CCKAR: variants seen among roughly 807,000 people sequenced by gnomAD.
CCKAR encodes cholecystokinin A receptor.
Under a neutral mutation model 29.8 loss-of-function variants are expected in CCKAR, and 21 were observed. The observed-to-expected ratio is 0.70, with a 90% CI of 0.50 to 1.01. CCKAR has a LOEUF of 1.01. Among genes scored for constraint, CCKAR ranks in the 50% least tolerant of loss-of-function variants. The probability of loss-of-function intolerance (pLI) is 0.00; values close to 1 mark genes in which losing one functional copy is unlikely to be tolerated. For synonymous variants in CCKAR, 238 were observed against 221.3 expected (o/e 1.08, Z -0.67); for missense variants, 570 against 560.6 (o/e 1.02, Z -0.17).
At chr4:26,489,675 T>C (rs1737520444) in intron 1 of CCKAR, among the ~76,000 whole-genome samples, 191 bp from the exon 2 acceptor site, 1 of 152,276 alleles carries the variant, frequency 6.6e-6, no homozygotes. Context: ...ATTTTCTTTT[T>C]AGAAGGTTGG....
In CCKAR at chr4:26,485,917, A is replaced by G. The variant is rs772940658; in HGVS notation, c.365-19T>C. 3 of 1,607,790 alleles carry G rather than the reference A, an allele frequency of 1.9e-6. No individual in the cohort carries two copies. In the South Asian group the frequency reaches 3.3e-5, roughly 18 times the overall value. On this transcript the variant is annotated intron_variant, in intron 2 of 4. Transcript: ENST00000295589. Reference sequence around the variant, plus strand: ...GAGGTGCCTGGGAAAGGAACAAAGAAGCCGGTTATGTTGACTCTGAAATCC... The same window carrying G: ...GAGGTGCCTGGGAAAGGAACAAAGAGGCCGGTTATGTTGACTCTGAAATCC...
chr4:26,482,703 T>C (rs1224621916), intron 4 of CCKAR, among the ~76,000 whole-genome samples: 1 of 152,144 alleles, frequency 6.6e-6, no homozygotes, highest in Non-Finnish European at 1.5e-5. Context: ...GGAATGAGGC[T>C]TTGTGGCCAC....
rs956272231 is a variant in CCKAR at position 26,485,954 on chromosome 4, G to T, written c.365-56C>A. Reference sequence around the variant, plus strand: ...TGACTCTGAAATCCAAAGTTTATTTGCACATTAGCTTGAATATATCTGATC... The same window carrying T: ...TGACTCTGAAATCCAAAGTTTATTTTCACATTAGCTTGAATATATCTGATC... On this transcript the variant is annotated intron_variant, in intron 2 of 4. Coordinates refer to ENST00000295589, the MANE Select transcript of CCKAR (RefSeq NM_000730.3). 43 of 1,531,854 alleles carry T rather than the reference G, an allele frequency of 2.8e-5. 1 individual carries two copies. The Admixed American group carries it at 7.6e-4, about 27-fold the overall frequency. The allele number at this position is 1,531,854 out of a possible 1,614,324, so 94.9% of individuals were successfully genotyped here. A position where few individuals can be genotyped will look rare whatever the true frequency, so the allele number is the denominator to read the frequency against.
Position 26,481,834 on chromosome 4 carries a change from C to G in CCKAR, c.1091G>C (p.Cys364Ser). The change falls in exon 5 of 5, where the codon TGC (cysteine) becomes TCC (serine). Residue 364 changes from cysteine to serine, a missense_variant. Transcript: ENST00000295589. The stretch of plus-strand genomic sequence containing the variant: ...GAAGCAGTAGATGATGGGGTTGACG[C>G]AGGAGGAGGTGTAGGACAGGAGGAG... Reference protein sequence around the residue: ...FILLLSYTSSCVNPIIYCFMN... With the variant: ...FILLLSYTSSSVNPIIYCFMN... 1 of 1,613,604 alleles carries G rather than the reference C, an allele frequency of 6.2e-7. No individual in the cohort carries two copies. Among genetic ancestry groups the G allele is most frequent in the Non-Finnish European group, 8.5e-7 (1 of 1,179,750 alleles).
At chr4:26,490,124 C>T in intron 1 of CCKAR, 32 bp downstream of exon 1, 1 of 1,405,506 alleles carries the variant, frequency 7.1e-7, no homozygotes, top group Non-Finnish European at 1.0e-6. Flanking sequence ...TCAATAGTTT[C>T]CTGAATTAAA....
intron 4 of CCKAR, among the ~76,000 whole-genome samples, chr4:26,482,377 A>G (rs972210625): frequency 2.6e-5 from 4 of 152,226 alleles, no homozygotes; most frequent in Admixed American, 1.3e-4. Flanking sequence ...AATAAAATAT[A>G]TAATAAAAAC....
chr4:26,481,895 C>A lies in CCKAR; in HGVS notation c.1030G>T (p.Glu344Ter). Residue 344 changes from glutamate to a stop codon, truncating the protein, a stop_gained, in exon 5 of 5, where the codon GAG becomes TAG. Transcript: ENST00000295589. LOFTEE classifies it high-confidence loss of function. ...ATGGGGGTTCCTGAGAGGCGGCGCT[C>A]TGCGGAGGCGGTGTCGTAGGCCCGC... ...AWRAYDTASA[E>*]RRLSGTPISF... The A allele has an allele frequency of 6.2e-7, 1 of 1,614,248 alleles. No individual in the cohort carries two copies. The highest frequency in any genetic ancestry group is 1.7e-5 in the Admixed American group (1 of 60,034).
chr4:26,488,613 G>A (rs1244413920), intron 2 of CCKAR, among the ~76,000 whole-genome samples: 2 of 152,154 alleles, frequency 1.3e-5, no homozygotes, highest in South Asian at 2.1e-4. Context: ...ATAGCCCCCA[G>A]GAGCAAATTC....
Position 26,482,101 on chromosome 4 carries a change from C to T in CCKAR, c.824G>A (p.Arg275Lys), listed in dbSNP as rs773422689. 2.5e-6 allele frequency: 4 copies of T among 1,614,184 alleles called. No individual in the cohort carries two copies. Among genetic ancestry groups the T allele is most frequent in the Non-Finnish European group, 3.4e-6 (4 of 1,180,032 alleles). ...DSDGCYLQKT[R>K]PPRKLELRQL... The stretch of plus-strand genomic sequence containing the variant: ...CCGGAGCTCCAGCTTCCTCGGGGGC[C>T]TGGTCTTTTGCAGGTAACACCCATC... The change falls in exon 5 of 5, where the codon AGG becomes AAG. Residue 275 changes from arginine to lysine, a missense_variant. Arg to Lys is a conservative substitution (Grantham distance 26). Transcript: ENST00000295589.
intron 2 of CCKAR, among the ~76,000 whole-genome samples, chr4:26,488,566 A>C (rs1357875660): frequency 2.0e-5 from 3 of 152,212 alleles, no homozygotes; most frequent in African/African-American, 7.2e-5. Context: ...GCAAAGAGCT[A>C]TATATCTCAG....
chr4:26,486,007 G>C, intron 2 of CCKAR, 109 bp from the exon 3 acceptor site: 3 of 892,224 alleles, frequency 3.4e-6, no homozygotes, highest in South Asian at 3.6e-5. Flanking sequence ...AAAGGAAAAC[G>C]CTTGGAAGGT....
intron 3 of CCKAR, among the ~76,000 whole-genome samples, chr4:26,484,774 G>T (rs1267038433): frequency 6.6e-6 from 1 of 151,992 alleles, no homozygotes; most frequent in African/African-American, 2.4e-5. Flanking sequence ...AGCTGCAGTG[G>T]CTCATGCCTG....
intron 3 of CCKAR, 145 bp from the exon 4 acceptor site, chr4:26,483,428 G>T: frequency 1.5e-6 from 1 of 669,498 alleles, no homozygotes; most frequent in South Asian, 3.1e-5. Flanking sequence ...GCAACTTCAT[G>T]TCTGGAGATT....
chr4:26,486,018 A>G, intron 2 of CCKAR, 120 bp from the exon 3 acceptor site: 2 of 813,510 alleles, frequency 2.5e-6, no homozygotes, highest in Admixed American at 2.9e-5. Flanking sequence ...CTTGGAAGGT[A>G]AAGAAATATT....
rs114419333 is a variant in CCKAR, at chr4:26,489,405, G to A, written c.192C>T (p.Thr64=). 211 of 1,614,180 alleles carry A rather than the reference G, an allele frequency of 1.3e-4. 2 individuals carry two copies. In the African/African-American group the frequency reaches 2.5e-3, roughly 19 times the overall value. Residue 64 remains threonine (T), a synonymous_variant, in exon 2 of 5, where the codon ACC becomes ACT. Transcript: ENST00000295589. ...LSVLGNTLVI[T]VLIRNKRMRT... Reference sequence around the variant, plus strand: ...GCATCCGCTTGTTCCGAATCAGCACGGTGATGACCAGCGTGTTTCCCAGCA... The same window carrying A: ...GCATCCGCTTGTTCCGAATCAGCACAGTGATGACCAGCGTGTTTCCCAGCA...
intron 2 of CCKAR, among the ~76,000 whole-genome samples, chr4:26,488,980 GT>G (rs1737499458): frequency 6.6e-6 from 1 of 152,112 alleles, no homozygotes; most frequent in South Asian, 2.1e-4. Context: ...CTGCCCCTGT[GT>G]TTTCCTATCA....
At position 26,490,460 on chromosome 4, in the gene CCKAR, G is replaced by C. The variant is rs1737539641; in HGVS notation, c.-193C>G. ...GTTCACCTCACTCACTCCAGCATTT[G>C]TACTCCTGTTGTGGAAAAGGCAGTG... On this transcript the variant is annotated 5_prime_UTR_variant, in exon 1 of 5. Coordinates refer to ENST00000295589, the MANE Select transcript of CCKAR (RefSeq NM_000730.3). 3.7e-6 allele frequency: 2 copies of C among 535,172 alleles called. No homozygotes were observed. Among genetic ancestry groups the C allele is most frequent in the Admixed American group, 6.1e-5 (2 of 32,832 alleles). 33.2% of individuals were successfully genotyped at this position (535,172 alleles called of 1,614,324 possible). A position where few individuals can be genotyped will look rare whatever the true frequency, so the allele number is the denominator to read the frequency against.
Position 26,489,350 on chromosome 4 carries a change from G to C in CCKAR, c.247C>G (p.Leu83Val). Residue 83 changes from leucine to valine, a missense_variant, in exon 2 of 5, where the codon CTG (leucine) becomes GTG (valine). Transcript: ENST00000295589. ...CAGAGCATGAGGTCGCTGACAGCCA[G>C]GGAGAGGAGGAAGATGTTGGTGACC... ...RTVTNIFLLS[L>V]AVSDLMLCLF... The C allele has an allele frequency of 6.2e-7, 1 of 1,614,182 alleles. No individual in the cohort carries two copies. Among genetic ancestry groups the C allele is most frequent in the South Asian group, 1.1e-5 (1 of 91,084 alleles).
chr4:26,489,506 AGACGGAGGGATGGAGGTGATGACAGCAG>A, intron 1 of CCKAR, 22 bp from the exon 2 acceptor site: 4 of 1,611,308 alleles, frequency 2.5e-6, no homozygotes, highest in Non-Finnish European at 3.4e-6. Context: ...AACAGGAGCA[AGACGGAGGGATGGAGGTGATGACAGCAG>A]AATGCTAAAA....
Sources: allele counts gnomAD v4.1 joint callset (sites outside exome capture counted in the v4.1 genomes callset), GRCh38; gene constraint gnomAD v4.1.1; transcripts MANE v1.5; gene names NCBI Gene and HGNC (gene_info 2026-07-23, HGNC 2026-07-21).